CAMKMT: variants seen among roughly 807,000 people sequenced by gnomAD.
The protein encoded by CAMKMT is calmodulin-lysine N-methyltransferase, also known as CaM KMT.
A neutral mutation model predicts 48.0 loss-of-function variants in CAMKMT; 53 were observed. The ratio of observed to expected loss-of-function variants is 1.10; its 90% CI spans 0.89 to 1.39. The LOEUF (loss-of-function observed/expected upper bound fraction) is 1.39, where lower values mean the gene tolerates loss of function less well. Ranked by LOEUF, CAMKMT falls within the 40% of genes most tolerant of loss-of-function variation. The pLI is 0.00. For synonymous variants in CAMKMT, 165 were observed against 152.3 expected (o/e 1.08, Z -0.61); for missense variants, 428 against 402.7 (o/e 1.06, Z -0.54).
chr2:44,667,348 G>A (rs1467907555), intron 3 of CAMKMT, among the ~76,000 whole-genome samples: 2 of 152,264 alleles, frequency 1.3e-5, no homozygotes, highest in Admixed American at 6.5e-5. Flanking sequence ...TGAGGACCCT[G>A]CTTCCCTTGC....
chr2:44,621,979 G>C (rs956685893), intron 3 of CAMKMT, among the ~76,000 whole-genome samples: 1 of 152,176 alleles, frequency 6.6e-6, no homozygotes, highest in African/African-American at 2.4e-5. Flanking sequence ...GAGGTAAAAG[G>C]TGATGGATTA....
At chr2:44,755,758 C>A (rs1278754694) in intron 9 of CAMKMT, among the ~76,000 whole-genome samples, 1 of 152,188 alleles carries the variant, frequency 6.6e-6, no homozygotes, top group African/African-American at 2.4e-5. Context: ...TGAATCGTGG[C>A]CACACGCAGC....
At chr2:44,737,418 A>T (rs766750335) in intron 7 of CAMKMT, among the ~76,000 whole-genome samples, 3 of 152,176 alleles carry the variant, frequency 2.0e-5, no homozygotes, top group Non-Finnish European at 4.4e-5. Flanking sequence ...CAGTTAAATT[A>T]CTTTGAAATA....
intron 3 of CAMKMT, among the ~76,000 whole-genome samples, chr2:44,424,425 G>A (rs1430398837): frequency 6.6e-6 from 1 of 152,082 alleles, no homozygotes; most frequent in East Asian, 1.9e-4. Flanking sequence ...GCAAGTGGGG[G>A]CTATGTGACT....
At chr2:44,362,931 T>C (rs551132712) in intron 1 of CAMKMT, among the ~76,000 whole-genome samples, 77 of 152,346 alleles carry the variant, frequency 5.1e-4, no homozygotes, top group African/African-American at 1.5e-3. Flanking sequence ...TGCATAGCAG[T>C]GTTATGCCTC....
intron 1 of CAMKMT, among the ~76,000 whole-genome samples, chr2:44,371,488 T>C (rs1679176246): frequency 6.6e-6 from 1 of 152,224 alleles, no homozygotes; most frequent in African/African-American, 2.4e-5. Flanking sequence ...AGTTTCCAAA[T>C]ATATTTGGCT....
chr2:44,619,788 G>A (rs1285268297), intron 3 of CAMKMT, among the ~76,000 whole-genome samples: 1 of 152,106 alleles, frequency 6.6e-6, no homozygotes, highest in African/African-American at 2.4e-5. Flanking sequence ...TTAGAATTCT[G>A]ACCCTATGGT....
chr2:44,524,458 G>T (rs1671295829), intron 3 of CAMKMT, among the ~76,000 whole-genome samples: 1 of 151,912 alleles, frequency 6.6e-6, no homozygotes, highest in South Asian at 2.1e-4. Context: ...TTTTGCTAAT[G>T]GTCTTCTCCT....
chr2:44,687,116 A>G (rs1311776851), intron 3 of CAMKMT, among the ~76,000 whole-genome samples: 1 of 152,230 alleles, frequency 6.6e-6, no homozygotes, highest in African/African-American at 2.4e-5. Flanking sequence ...TTTAAACATA[A>G]TTCAATTTTT....
At chr2:44,710,476 C>G (rs1182609825) in intron 6 of CAMKMT, among the ~76,000 whole-genome samples, 1 of 152,066 alleles carries the variant, frequency 6.6e-6, no homozygotes, top group Non-Finnish European at 1.5e-5. Context: ...GAACTCAAAG[C>G]CCCCACACCT....
intron 3 of CAMKMT, among the ~76,000 whole-genome samples, chr2:44,408,179 C>G (rs1006839698): frequency 9.2e-5 from 14 of 151,964 alleles, no homozygotes; most frequent in African/African-American, 3.1e-4. Flanking sequence ...GTGCACACCA[C>G]CACGTCCAGC....
At chr2:44,419,798 T>G (rs1210035090) in intron 3 of CAMKMT, among the ~76,000 whole-genome samples, 2 of 152,168 alleles carry the variant, frequency 1.3e-5, no homozygotes, top group African/African-American at 2.4e-5. Flanking sequence ...TCAAAGCTAT[T>G]GTGCACAATG....
At chr2:44,764,753 G>A (rs1038378806) in intron 9 of CAMKMT, among the ~76,000 whole-genome samples, 6 of 152,138 alleles carry the variant, frequency 3.9e-5, no homozygotes, top group African/African-American at 1.2e-4. Context: ...TGAGAAGATC[G>A]CTGAGGGGAT....
At chr2:44,518,263 G>T (rs1398185070) in intron 3 of CAMKMT, among the ~76,000 whole-genome samples, 5 of 152,120 alleles carry the variant, frequency 3.3e-5, no homozygotes, top group African/African-American at 9.7e-5. Flanking sequence ...CAACAAGGAA[G>T]GGGCCGTTAT....
chr2:44,555,493 G>C (rs1351216278), intron 3 of CAMKMT, among the ~76,000 whole-genome samples: 1 of 152,122 alleles, frequency 6.6e-6, no homozygotes, highest in South Asian at 2.1e-4. Flanking sequence ...TGAGTGAGTG[G>C]AGCCTGTGGG....
chr2:44,686,132 G>A (rs769934642), intron 3 of CAMKMT, among the ~76,000 whole-genome samples: 4 of 152,092 alleles, frequency 2.6e-5, no homozygotes, highest in East Asian at 3.9e-4. Flanking sequence ...AGTGGCTCAC[G>A]CCTGTAATCC....
rs532734183 is a variant in CAMKMT at position 44,384,356 on chromosome 2, G to T, written c.312-5885G>T. Among the ~76,000 whole-genome samples, 9 of 151,896 alleles carry T rather than the reference G, an allele frequency of 5.9e-5. No homozygotes were observed. The South Asian group carries it at 1.9e-3, about 32-fold the overall frequency. ...TTTTCTTACTGATTCGTTTGAGTTC[G>T]TTGTGGATTCTGAATATTAGGCCTT... On this transcript the variant is annotated intron_variant, in intron 2 of 10. Transcript: ENST00000378494.
intron 1 of CAMKMT, chr2:44,369,964 C>T (rs1025715165): frequency 6.6e-6 from 1 of 152,070 alleles, no homozygotes; most frequent in African/African-American, 2.4e-5. Flanking sequence ...CTACGGATTC[C>T]AGGAAATACA....
At chr2:44,610,157 A>G (rs1671520328) in intron 3 of CAMKMT, among the ~76,000 whole-genome samples, 1 of 152,206 alleles carries the variant, frequency 6.6e-6, no homozygotes, top group Non-Finnish European at 1.5e-5. Context: ...GAAGAGATTT[A>G]TTGAGCATCT....
Sources: gnomAD v4.1 joint callset for allele counts (sites outside exome capture counted in the v4.1 genomes callset) on GRCh38, gnomAD v4.1.1 for gene constraint, MANE v1.5 for transcripts, NCBI Gene and HGNC (gene_info 2026-07-23, HGNC 2026-07-21) for gene names.